The following OSBPL10 variants were observed in gnomAD, a reference collection of about 807,000 sequenced individuals.
OSBPL10 encodes the protein oxysterol binding protein like 10, also known as oxysterol-binding protein-related protein 10.
In OSBPL10, 49 loss-of-function variants were observed where a neutral mutation model predicts 81.7. The ratio of observed to expected loss-of-function variants is 0.60; its 90% CI spans 0.48 to 0.76. The LOEUF (loss-of-function observed/expected upper bound fraction) is 0.76. Among genes scored for constraint, OSBPL10 ranks in the 30% least tolerant of loss-of-function variants. The pLI is 0.00. For synonymous variants in OSBPL10, 419 were observed against 383.6 expected, an observed-to-expected ratio of 1.09 and a Z score of -1.08; for missense variants, 923 against 987.8, an observed-to-expected ratio of 0.93 and a Z score of 0.88.
intron 3 of OSBPL10, among the ~76,000 whole-genome samples, chr3:31,859,147 C>A (rs1464383607): frequency 6.6e-6 from 1 of 152,160 alleles, no homozygotes; most frequent in Non-Finnish European, 1.5e-5. Flanking sequence ...GTGGCCCAGG[C>A]ACAGCCAGAA....
At chr3:31,743,133 A>C (rs922712548) in intron 5 of OSBPL10, among the ~76,000 whole-genome samples, 9 of 137,306 alleles carry the variant, frequency 6.6e-5, no homozygotes, top group Non-Finnish European at 1.1e-4. Context: ...CTCCACCTCC[A>C]GGGTTCAAGC....
At chr3:31,844,328 A>T (rs1700575381) in intron 3 of OSBPL10, among the ~76,000 whole-genome samples, 3 of 152,256 alleles carry the variant, frequency 2.0e-5, no homozygotes, top group Admixed American at 6.5e-5. Flanking sequence ...CAAAAGAATT[A>T]AAAACAGACT....
intron 1 of OSBPL10, among the ~76,000 whole-genome samples, chr3:31,939,754 A>C (rs1697485131): frequency 6.6e-6 from 1 of 152,146 alleles, no homozygotes; most frequent in Admixed American, 6.5e-5. Flanking sequence ...CTTGCTAGCC[A>C]ATCTTTTCCC....
intron 6 of OSBPL10, among the ~76,000 whole-genome samples, chr3:31,728,404 G>A (rs1290963855): frequency 6.6e-6 from 1 of 152,106 alleles, no homozygotes; most frequent in Non-Finnish European, 1.5e-5. Context: ...GCCAGGGGTA[G>A]GTATCTGGCA....
At chr3:31,944,412 G>A (rs1697635632) in intron 1 of OSBPL10, among the ~76,000 whole-genome samples, 1 of 152,132 alleles carries the variant, frequency 6.6e-6, no homozygotes, top group African/African-American at 2.4e-5. Context: ...GATGTGGCCA[G>A]GCTAGATGAA....
At chr3:31,764,315 A>T (rs1698139147) in intron 4 of OSBPL10, among the ~76,000 whole-genome samples, 1 of 152,246 alleles carries the variant, frequency 6.6e-6, no homozygotes, top group Non-Finnish European at 1.5e-5. Context: ...GGAATCAGTC[A>T]ATTAATTCAC....
Position 31,995,126 on chromosome 3 carries a change from T to C in OSBPL10, n.298+51365A>G, listed in dbSNP as rs567945792. Among the ~76,000 whole-genome samples, 5 of 152,236 alleles carry C rather than the reference T, an allele frequency of 3.3e-5. No homozygotes were observed. The South Asian group carries it at 1.0e-3, about 32-fold the overall frequency. ...ACAAAATCAGAACTCCTGGTAAGGGTCTATGTTCAGCAGTGCACGTATTGT... is the reference window on the plus strand; with the variant it reads ...ACAAAATCAGAACTCCTGGTAAGGGCCTATGTTCAGCAGTGCACGTATTGT... On this transcript the variant is annotated intron_variant and non_coding_transcript_variant, in intron 2 of 3. Coordinates refer to the OSBPL10 transcript ENST00000479173.
chr3:31,883,675 G>A (rs1285451530), intron 1 of OSBPL10, among the ~76,000 whole-genome samples: 4 of 152,018 alleles, frequency 2.6e-5, no homozygotes, highest in Non-Finnish European at 5.9e-5. Flanking sequence ...GAGATTACAG[G>A]CGCTTGCCAC....
At chr3:31,754,130 AC>A (rs1179305203) in intron 4 of OSBPL10, among the ~76,000 whole-genome samples, 1 of 146,638 alleles carries the variant, frequency 6.8e-6, no homozygotes, top group Admixed American at 6.8e-5. Flanking sequence ...CTTGTTCTAC[AC>A]CTCCTGGCAC....
intron 7 of OSBPL10, among the ~76,000 whole-genome samples, chr3:31,701,138 T>C (rs541620443): frequency 6.6e-6 from 1 of 152,302 alleles, no homozygotes; most frequent in Admixed American, 6.5e-5. Context: ...GGTTAGTCAC[T>C]CTGTTCTGTC....
intron 3 of OSBPL10, among the ~76,000 whole-genome samples, chr3:31,859,113 A>C (rs1411182392): frequency 1.3e-5 from 2 of 152,244 alleles, no homozygotes; most frequent in African/African-American, 4.8e-5. Flanking sequence ...ACTTGAGATT[A>C]CAAAGCTAGG....
intron 5 of OSBPL10, among the ~76,000 whole-genome samples, chr3:31,746,200 C>A (rs1335177172): frequency 2.0e-5 from 3 of 152,208 alleles, no homozygotes; most frequent in Non-Finnish European, 4.4e-5. Flanking sequence ...TCTTGATTAA[C>A]AACTAGAAAT....
chr3:31,945,553 T>A lies in OSBPL10; in HGVS notation c.281+35346A>T, dbSNP rs147014719. On this transcript the variant is annotated intron_variant, in intron 1 of 11. Transcript: ENST00000396556. ...AGACAGCTTCTCACACAAATCTACA[T>A]CTCTAGTTTCTCTTGCAATATCCAA... Among the ~76,000 whole-genome samples, 6 of 152,302 alleles carry A rather than the reference T, an allele frequency of 3.9e-5. No individual in the cohort carries two copies. The East Asian group carries it at 1.2e-3, about 29-fold the overall frequency.
intron 1 of OSBPL10, among the ~76,000 whole-genome samples, chr3:31,966,153 ATGTGTGTG>A (rs59737552): frequency 0.076 from 10,291 of 134,774 alleles, 431 homozygotes; most frequent in African/African-American, 0.11. Flanking sequence ...CAACAAAATT[ATGTGTGTG>A]TGTGTGTGTG....
intron 2 of OSBPL10, among the ~76,000 whole-genome samples, chr3:31,998,092 C>G (rs1258265075): frequency 6.6e-6 from 1 of 152,170 alleles, no homozygotes; most frequent in Non-Finnish European, 1.5e-5. Flanking sequence ...CAGCTATAGC[C>G]TCAGTGTCTT....
rs116920356 is a variant in OSBPL10 at position 31,779,983 on chromosome 3, A to T, written c.730-31863T>A. Among the ~76,000 whole-genome samples, 1,643 of 152,336 alleles carry T rather than the reference A, an allele frequency of 0.011. 94 individuals are homozygous for T. The East Asian group carries it at 0.14, about 13-fold the overall frequency. ...CAACAATAAAATCAAGATAGAAATTAAAAAATTCTTTGAACTGAACAATAA... is the reference window on the plus strand; with the variant it reads ...CAACAATAAAATCAAGATAGAAATTTAAAAATTCTTTGAACTGAACAATAA... On this transcript the variant is annotated intron_variant, in intron 4 of 11. Transcript: ENST00000396556.
chr3:32,025,868 C>G (rs1230831072), intron 2 of OSBPL10, among the ~76,000 whole-genome samples: 1 of 152,126 alleles, frequency 6.6e-6, no homozygotes, highest in Non-Finnish European at 1.5e-5. Context: ...GCAGAGCCAT[C>G]AGGCTTTCTT....
At position 31,828,778 on chromosome 3, in the gene OSBPL10, C is replaced by A. The variant is rs1478504954; in HGVS notation, c.729+1262G>T. Among the ~76,000 whole-genome samples the A allele has an allele frequency of 2.0e-5, 3 of 152,294 alleles. No individual in the cohort carries two copies. In the East Asian group the frequency reaches 5.8e-4, roughly 29 times the overall value. On this transcript the variant is annotated intron_variant, in intron 4 of 11. Transcript: ENST00000396556. Reference sequence around the variant, plus strand: ...GAACTCCTGACCTCAAGTGATCCACCCACCTTGGCCTCCCAAAGTGCTGGG... The same window carrying A: ...GAACTCCTGACCTCAAGTGATCCACACACCTTGGCCTCCCAAAGTGCTGGG...
chr3:31,978,440 T>C (rs1035610342), intron 1 of OSBPL10, among the ~76,000 whole-genome samples: 2 of 152,228 alleles, frequency 1.3e-5, no homozygotes, highest in Non-Finnish European at 2.9e-5. Flanking sequence ...GAATACATTT[T>C]CAAAGTTTCT....
Sources: allele counts gnomAD v4.1 joint callset (sites outside exome capture counted in the v4.1 genomes callset), GRCh38; gene constraint gnomAD v4.1.1; transcripts MANE v1.5; gene names NCBI Gene and HGNC (gene_info 2026-07-23, HGNC 2026-07-21).